The following NF1 variants were observed in gnomAD, a reference collection of about 807,000 sequenced individuals.
NF1 encodes neurofibromin 1, also known as neurofibromin.
In NF1, 122 loss-of-function variants were observed where a neutral mutation model predicts 325.7. The ratio of observed to expected loss-of-function variants is 0.37; its 90% CI spans 0.32 to 0.44. NF1 has a LOEUF of 0.44. NF1 is among the 20% of genes least tolerant of loss of function. The pLI is 1.00. For synonymous variants in NF1, 1,091 were observed against 1,186.0 expected, an observed-to-expected ratio of 0.92 and a Z score of 1.65; for missense variants, 2,140 against 3,415.4, an observed-to-expected ratio of 0.63 and a Z score of 9.31.
chr17:31,299,628 A>G (rs2068534683), intron 36 of NF1: 1 of 152,080 alleles, frequency 6.6e-6, no homozygotes, highest in South Asian at 2.1e-4. Flanking sequence ...TATGCTTGAG[A>G]GTCAGATATT....
intron 36 of NF1, among the ~76,000 whole-genome samples, chr17:31,322,746 G>A (rs993299498): frequency 7.9e-5 from 12 of 152,084 alleles, no homozygotes. Context: ...TTCTGTTCAT[G>A]ATAGCAACAT....
intron 1 of NF1, among the ~76,000 whole-genome samples, chr17:31,127,995 G>C (rs1179076005): frequency 1.3e-5 from 2 of 151,952 alleles, no homozygotes; most frequent in East Asian, 3.9e-4. Flanking sequence ...TTTTTGGAAT[G>C]CAGTGGCGCA....
In NF1 at chr17:31,375,126, T is replaced by A. The variant is rs147515257; in HGVS notation, c.*971T>A. The A allele has an allele frequency of 9.2e-4, 201 of 218,020 alleles. No individual in the cohort carries two copies. The highest frequency in any genetic ancestry group is 8.2e-3 in the South Asian group (44 of 5,376). 13.5% of individuals were successfully genotyped at this position (218,020 alleles called of 1,614,324 possible). A position where few individuals can be genotyped will look rare whatever the true frequency, so the allele number is the denominator to read the frequency against. On this transcript the variant is annotated 3_prime_UTR_variant, in exon 58 of 58. Transcript: ENST00000358273. ...GTTCCCAGAAGGTAATTTTCATAGA[T>A]GTTTGCATTAGCTCCATAGCAAAAT...
At chr17:31,340,758 T>C (rs1767373996) in intron 47 of NF1, 113 bp downstream of exon 47, 1 of 1,105,410 alleles carries the variant, frequency 9.0e-7, no homozygotes, top group Admixed American at 2.0e-5. Context: ...AGTAGGAATT[T>C]GTATAATGTA....
At chr17:31,318,229 C>T (rs2069075070) in intron 36 of NF1, 1 of 1,520,098 alleles carries the variant, frequency 6.6e-7, no homozygotes. Context: ...CAGAACAACA[C>T]TTTGGGATTA....
At chr17:31,145,474 G>C (rs1170026487) in intron 1 of NF1, among the ~76,000 whole-genome samples, 2 of 152,146 alleles carry the variant, frequency 1.3e-5, no homozygotes, top group African/African-American at 4.8e-5. Flanking sequence ...TTAGAGGTGT[G>C]AACCACTAAT....
chr17:31,342,924 A>G (rs1205281067), intron 47 of NF1, 85 bp from the exon 48 acceptor site: 2 of 1,507,746 alleles, frequency 1.3e-6, no homozygotes, highest in Non-Finnish European at 1.8e-6. Context: ...TTATCTTGTC[A>G]TACTATTGAA....
intron 1 of NF1, among the ~76,000 whole-genome samples, chr17:31,140,449 G>A (rs1377822380): frequency 6.6e-6 from 1 of 152,122 alleles, no homozygotes; most frequent in African/African-American, 2.4e-5. Flanking sequence ...TCAAATAGAA[G>A]ATCCCTAGCA....
chr17:31,370,354 C>T (rs945392125), intron 57 of NF1, among the ~76,000 whole-genome samples: 1 of 152,080 alleles, frequency 6.6e-6, no homozygotes, highest in African/African-American at 2.4e-5. Flanking sequence ...GAAAAAGTTA[C>T]CCACAATCCT....
chr17:31,277,526 T>G (rs1452262236), intron 36 of NF1, among the ~76,000 whole-genome samples: 2 of 152,186 alleles, frequency 1.3e-5, no homozygotes, highest in Non-Finnish European at 2.9e-5. Flanking sequence ...TGCCTTTGCC[T>G]CTTCAAATCC....
chr17:31,175,729 A>C (rs560577045), intron 5 of NF1, among the ~76,000 whole-genome samples: 101 of 151,738 alleles, frequency 6.7e-4, no homozygotes, highest in African/African-American at 2.3e-3. Context: ...CCCTGTGTAC[A>C]TGTGTTCTTA....
At chr17:31,096,893 T>G (rs1911773451) in intron 1 of NF1, among the ~76,000 whole-genome samples, 1 of 151,904 alleles carries the variant, frequency 6.6e-6, no homozygotes, top group Non-Finnish European at 1.5e-5. Context: ...ATATAAAAGA[T>G]TACATTATTG....
intron 38 of NF1, among the ~76,000 whole-genome samples, chr17:31,329,582 G>A (rs1263626705): frequency 6.6e-6 from 1 of 152,152 alleles, no homozygotes; most frequent in African/African-American, 2.4e-5. Flanking sequence ...AGTCTTTTAG[G>A]CTGTCTCCTA....
At chr17:31,276,492 C>T (rs1308277927) in intron 36 of NF1, among the ~76,000 whole-genome samples, 1 of 151,982 alleles carries the variant, frequency 6.6e-6, no homozygotes, top group East Asian at 1.9e-4. Context: ...ATCTGAAACC[C>T]CAAATCCTCC....
intron 12 of NF1, among the ~76,000 whole-genome samples, chr17:31,207,698 G>GGTAAGCATAAATAATAGCTGTTTAAAT (rs2066648435): frequency 6.6e-6 from 1 of 151,766 alleles, no homozygotes; most frequent in Non-Finnish European, 1.5e-5. Flanking sequence ...GTTAATTGGA[G>GGTAAGCATAAATAATAGCTGTTTAAAT]GTAAGCATAA....
intron 36 of NF1, among the ~76,000 whole-genome samples, chr17:31,321,321 C>A (rs1303961430): frequency 6.6e-6 from 1 of 152,044 alleles, no homozygotes; most frequent in Non-Finnish European, 1.5e-5. Context: ...CAAATTTTTT[C>A]ATTTCTAACT....
chr17:31,224,822 G>A (rs2066984875), intron 16 of NF1, among the ~76,000 whole-genome samples: 2 of 152,264 alleles, frequency 1.3e-5, no homozygotes, highest in African/African-American at 4.8e-5. Context: ...TATTGTTGAT[G>A]TTTTACTCAT....
At chr17:31,314,305 G>T (rs2068965208) in intron 36 of NF1, 1 of 259,776 alleles carries the variant, frequency 3.8e-6, no homozygotes, top group South Asian at 1.7e-4. Context: ...AAATATTTAG[G>T]ATGGAGTCCC....
At position 31,335,447 on chromosome 17, in the gene NF1, G is replaced by A. The variant is rs17879394; in HGVS notation, c.6006+416G>A. Reference sequence around the variant, plus strand: ...TGTTTCTTCTTATTGATGCTATTTGGGACATCTGCTTTCATTTATAGTTCT... The same window carrying A: ...TGTTTCTTCTTATTGATGCTATTTGAGACATCTGCTTTCATTTATAGTTCT... On this transcript the variant is annotated intron_variant, in intron 40 of 57. Transcript: ENST00000358273. 4.2e-3 allele frequency among the ~76,000 whole-genome samples: 630 copies of A among 148,422 alleles called. 5 individuals are homozygous for A. The highest frequency in any genetic ancestry group is 0.015 in the African/African-American group (611 of 40,042).
Sources: gnomAD v4.1 joint callset for allele counts (sites outside exome capture counted in the v4.1 genomes callset) on GRCh38, gnomAD v4.1.1 for gene constraint, MANE v1.5 for transcripts, NCBI Gene and HGNC (gene_info 2026-07-23, HGNC 2026-07-21) for gene names.